FNIP1: variants seen among roughly 807,000 people sequenced by gnomAD.
The protein encoded by FNIP1 is folliculin interacting protein 1, also known as folliculin-interacting protein 1.
Under a neutral mutation model 124.5 loss-of-function variants are expected in FNIP1, and 40 were observed. The observed-to-expected ratio is 0.32, with a 90% confidence interval of 0.25 to 0.42. FNIP1 has a LOEUF of 0.42. Ranked by LOEUF, FNIP1 falls within the 10% of genes least tolerant of loss-of-function variation. The pLI, the probability that FNIP1 is intolerant of heterozygous loss-of-function variation, is 1.00. For missense variants in FNIP1, 1,176 were observed against 1,403.7 expected (o/e 0.84, Z 2.59); for synonymous variants, 472 against 470.6 (o/e 1.00, Z -0.04).
At chr5:131,777,070 A>T (rs929735378) in intron 1 of FNIP1, among the ~76,000 whole-genome samples, 1 of 151,998 alleles carries the variant, frequency 6.6e-6, no homozygotes, top group Non-Finnish European at 1.5e-5. Flanking sequence ...TGTATCTACT[A>T]AAAAAATTGT....
chr5:131,721,334 G>A (rs546617779), intron 3 of FNIP1, among the ~76,000 whole-genome samples: 142 of 152,266 alleles, frequency 9.3e-4, no homozygotes, highest in African/African-American at 3.3e-3. Flanking sequence ...CCAGGGGCTG[G>A]GGTGAGGGGG....
intron 3 of FNIP1, among the ~76,000 whole-genome samples, chr5:131,728,493 T>C (rs1028124320): frequency 1.3e-5 from 2 of 152,110 alleles, no homozygotes; most frequent in African/African-American, 4.8e-5. Flanking sequence ...TTGCGTATGC[T>C]TCATGAAGTT....
chr5:131,696,360 C>A (rs1281929333), intron 11 of FNIP1, among the ~76,000 whole-genome samples: 1 of 152,026 alleles, frequency 6.6e-6, no homozygotes, highest in Non-Finnish European at 1.5e-5. Context: ...TAATCTCAAC[C>A]TTTATGGTTT....
In FNIP1 at chr5:131,796,938, C is replaced by G. The variant is rs1464608530; in HGVS notation, c.-17G>C. Reference sequence around the variant, plus strand: ...AGGGGCCATGCTAGCCACGGCCAGGCAGGGGTCGCTCCGCTGGGCGCTTGC... The same window carrying G: ...AGGGGCCATGCTAGCCACGGCCAGGGAGGGGTCGCTCCGCTGGGCGCTTGC... On this transcript the variant is annotated 5_prime_UTR_variant, in exon 1 of 18. Coordinates refer to ENST00000510461, the MANE Select transcript of FNIP1 (RefSeq NM_133372.3). 12 of 1,587,816 alleles carry G rather than the reference C, an allele frequency of 7.6e-6. No homozygotes were observed. In the Admixed American group the frequency reaches 2.1e-4, roughly 28 times the overall value.
In FNIP1 at chr5:131,713,644, T is replaced by G. The variant is rs139040084; in HGVS notation, c.622+2921A>C. ...TCCAGTACTTCCAACTGAACATGCC[T>G]AAACCTAAAATCATCAATTCTGATT... is the stretch of plus-strand genomic sequence containing the variant. On this transcript the variant is annotated intron_variant, in intron 6 of 17. Coordinates refer to ENST00000510461, the MANE Select transcript of FNIP1 (RefSeq NM_133372.3). Among the ~76,000 whole-genome samples, 483 of 152,362 alleles carry G rather than the reference T, an allele frequency of 3.2e-3. 3 individuals carry two copies. Among genetic ancestry groups the G allele is most frequent in the African/African-American group, 0.011 (460 of 41,590 alleles).
intron 1 of FNIP1, among the ~76,000 whole-genome samples, chr5:131,792,532 C>G (rs558160708): frequency 6.6e-6 from 1 of 152,212 alleles, no homozygotes; most frequent in East Asian, 1.9e-4. Context: ...CACAGAAAGA[C>G]CAGTTAAAAG....
chr5:131,775,599 C>T (rs1196308079), intron 1 of FNIP1, among the ~76,000 whole-genome samples: 1 of 149,264 alleles, frequency 6.7e-6, no homozygotes, highest in East Asian at 2.0e-4. Context: ...GCACTCTCGG[C>T]TCAATGCAAC....
At chr5:131,739,511 T>A (rs1189400003) in intron 2 of FNIP1, among the ~76,000 whole-genome samples, 1 of 152,190 alleles carries the variant, frequency 6.6e-6, no homozygotes, top group Non-Finnish European at 1.5e-5. Flanking sequence ...TGCCTATTTA[T>A]GTGTCAATAA....
At chr5:131,722,402 A>G (rs1233529180) in intron 3 of FNIP1, among the ~76,000 whole-genome samples, 3 of 152,208 alleles carry the variant, frequency 2.0e-5, no homozygotes, top group African/African-American at 7.2e-5. Flanking sequence ...AACTGATGCA[A>G]TTATATAAAA....
intron 11 of FNIP1, among the ~76,000 whole-genome samples, chr5:131,695,524 G>A (rs2149527888): frequency 6.6e-6 from 1 of 152,154 alleles, no homozygotes; most frequent in South Asian, 2.1e-4. Context: ...ACACAAACAT[G>A]GATAGTATCA....
rs112633798 is a variant in FNIP1 at position 131,771,751 on chromosome 5, CCT to C, written c.92+25077_92+25078del. Reference sequence around the variant, plus strand: ...TGTTAAATCTTCCCTATTCCTTATACCTCTGATTTGTTTCTTTCACCTATTTA... The same window carrying C: ...TGTTAAATCTTCCCTATTCCTTATACCTGATTTGTTTCTTTCACCTATTTA... On this transcript the variant is annotated intron_variant, in intron 1 of 17. Coordinates refer to ENST00000510461, the MANE Select transcript of FNIP1 (RefSeq NM_133372.3). Among the ~76,000 whole-genome samples, 934 of 152,244 alleles carry C rather than the reference CCT, an allele frequency of 6.1e-3. 6 individuals are homozygous for C. Among genetic ancestry groups the C allele is most frequent in the African/African-American group, 0.021 (886 of 41,540 alleles).
Position 131,778,432 on chromosome 5 carries a change from A to G in FNIP1, c.92+18398T>C, listed in dbSNP as rs557434421. Among the ~76,000 whole-genome samples the G allele has an allele frequency of 7.9e-5, 12 of 151,778 alleles. No homozygotes were observed. In the East Asian group the frequency reaches 2.3e-3, roughly 29 times the overall value. ...ACTGGCCATCAGAGAAAGGCAAATC[A>G]AAACCACTATGAGATATCATCTCAC... On this transcript the variant is annotated intron_variant, in intron 1 of 17. Transcript: ENST00000510461.
At chr5:131,785,529 TGGGCAA>T (rs1772177841) in intron 1 of FNIP1, among the ~76,000 whole-genome samples, 2 of 149,194 alleles carry the variant, frequency 1.3e-5, no homozygotes, top group Non-Finnish European at 3.0e-5. Context: ...CACTCCAGCT[TGGGCAA>T]CAGAGACTCC....
At chr5:131,681,802 T>C (rs1369352405) in intron 11 of FNIP1, among the ~76,000 whole-genome samples, 1 of 94,746 alleles carries the variant, frequency 1.1e-5, no homozygotes, top group African/African-American at 3.8e-5. Context: ...GAAAACAGAA[T>C]AAATTGTAAA....
intron 1 of FNIP1, among the ~76,000 whole-genome samples, chr5:131,766,845 G>A (rs916229687): frequency 2.0e-5 from 3 of 152,130 alleles, no homozygotes; most frequent in African/African-American, 4.8e-5. Context: ...TCCAGCTCCA[G>A]AAGAAAGACA....
chr5:131,703,990 A>C, intron 10 of FNIP1, 75 bp downstream of exon 10: 2 of 1,293,666 alleles, frequency 1.5e-6, no homozygotes, highest in Admixed American at 5.2e-5. Flanking sequence ...TTTTCTGCCA[A>C]ATTAATAAAT....
chr5:131,777,455 C>T (rs1260177887), intron 1 of FNIP1, among the ~76,000 whole-genome samples: 5 of 150,724 alleles, frequency 3.3e-5, no homozygotes, highest in African/African-American at 7.3e-5. Flanking sequence ...ACACGGTGCC[C>T]GAAAAAAACT....
intron 2 of FNIP1, among the ~76,000 whole-genome samples, chr5:131,740,920 C>T (rs1216396612): frequency 6.6e-6 from 1 of 152,142 alleles, no homozygotes; most frequent in African/African-American, 2.4e-5. Context: ...TACTACACTC[C>T]CACCAGCTCC....
chr5:131,750,354 A>T (rs1770829954), intron 1 of FNIP1, among the ~76,000 whole-genome samples: 1 of 152,164 alleles, frequency 6.6e-6, no homozygotes, highest in Non-Finnish European at 1.5e-5. Context: ...ATAGGAGGCT[A>T]TAATCACAGG....
Sources: allele counts gnomAD v4.1 joint callset (sites outside exome capture counted in the v4.1 genomes callset), GRCh38; gene constraint gnomAD v4.1.1; transcripts MANE v1.5; gene names NCBI Gene and HGNC (gene_info 2026-07-23, HGNC 2026-07-21).